The following CYRIB variants were observed in gnomAD, a reference collection of about 807,000 sequenced individuals.
CYRIB encodes CYFIP related Rac1 interactor B.
CYRIB carries 8 observed loss-of-function variants against 44.2 expected under a neutral mutation model. The observed-to-expected ratio is 0.18, with a 90% CI of 0.11 to 0.33. The LOEUF (loss-of-function observed/expected upper bound fraction) is 0.33. Ranked by LOEUF, CYRIB falls within the 10% of genes least tolerant of loss-of-function variation. The pLI, the probability that CYRIB is intolerant of heterozygous loss-of-function variation, is 1.00. For synonymous variants in CYRIB, 131 were observed against 127.2 expected, an observed-to-expected ratio of 1.03 and a Z score of -0.20; for missense variants, 185 against 382.8, an observed-to-expected ratio of 0.48 and a Z score of 4.31.
chr8:129,983,837 G>T (rs2096348026), intron 1 of CYRIB, among the ~76,000 whole-genome samples: 1 of 152,244 alleles, frequency 6.6e-6, no homozygotes, highest in Admixed American at 6.5e-5. Flanking sequence ...TGCGGAACCG[G>T]GTGCAAGAGG....
At chr8:129,930,064 C>T (rs772841470) in intron 1 of CYRIB, among the ~76,000 whole-genome samples, 8 of 151,532 alleles carry the variant, frequency 5.3e-5, no homozygotes, top group Non-Finnish European at 1.0e-4. Context: ...TACAAAAATT[C>T]GCCGGGCGTG....
Position 129,845,116 on chromosome 8 carries a change from A to G in CYRIB, c.911+1688T>C, listed in dbSNP as rs934324051. On this transcript the variant is annotated intron_variant, in intron 11 of 11. Coordinates refer to ENST00000519824, the Ensembl canonical transcript of CYRIB. ...GTGGGAGACTTCAACCCTGTCTTTCACTCGCCATCACTGGTCTCCTCTGCT... is the reference window on the plus strand; with the variant it reads ...GTGGGAGACTTCAACCCTGTCTTTCGCTCGCCATCACTGGTCTCCTCTGCT... Among the ~76,000 whole-genome samples the G allele has an allele frequency of 2.6e-5, 4 of 152,122 alleles. No homozygotes were observed. The South Asian group carries it at 8.3e-4, about 32-fold the overall frequency.
chr8:129,995,886 G>C (rs934385481), intron 1 of CYRIB, among the ~76,000 whole-genome samples: 1 of 152,204 alleles, frequency 6.6e-6, no homozygotes, highest in African/African-American at 2.4e-5. Context: ...ATGTCAACAT[G>C]GTAGATGGCA....
intron 9 of CYRIB, 174 bp downstream of exon 11, chr8:129,850,661 G>A (rs985817417): frequency 2.1e-5 from 13 of 626,958 alleles, no homozygotes; most frequent in African/African-American, 1.7e-4. Context: ...CAGAAGTTAC[G>A]TTAAATAGCC....
chr8:129,982,748 G>A (rs553741707), intron 1 of CYRIB, among the ~76,000 whole-genome samples: 1 of 152,134 alleles, frequency 6.6e-6, no homozygotes, highest in Non-Finnish European at 1.5e-5. Flanking sequence ...AACCAAAAAA[G>A]CAAACGCATG....
At chr8:129,853,411 T>A (rs760616961) in intron 7 of CYRIB, among the ~76,000 whole-genome samples, 4 of 152,214 alleles carry the variant, frequency 2.6e-5, no homozygotes, top group Non-Finnish European at 5.9e-5. Context: ...TTAGTGCAAG[T>A]GCTTCCTAAA....
chr8:129,862,430 T>A (rs1402272483), intron 4 of CYRIB, 96 bp from the exon 7 acceptor site: 23 of 890,818 alleles, frequency 2.6e-5, no homozygotes, highest in Non-Finnish European at 3.7e-5. Flanking sequence ...TAGGAAACAC[T>A]GGTATAATCC....
At chr8:129,984,172 C>G (rs545028538) in intron 1 of CYRIB, among the ~76,000 whole-genome samples, 1 of 152,334 alleles carries the variant, frequency 6.6e-6, no homozygotes, top group East Asian at 1.9e-4. Flanking sequence ...GAAGTCCTAT[C>G]CTTAACAGTC....
At chr8:129,974,088 G>C (rs532122221) in intron 1 of CYRIB, among the ~76,000 whole-genome samples, 27 of 152,284 alleles carry the variant, frequency 1.8e-4, no homozygotes, top group African/African-American at 6.0e-4. Context: ...AGGGCAGCCT[G>C]TCTGAGGCCA....
chr8:129,983,712 G>A (rs555943809), intron 1 of CYRIB, among the ~76,000 whole-genome samples: 11 of 152,272 alleles, frequency 7.2e-5, no homozygotes, highest in South Asian at 6.2e-4. Context: ...CAGGGATGCG[G>A]GGACGCTGGG....
intron 1 of CYRIB, among the ~76,000 whole-genome samples, chr8:129,990,492 G>A (rs2096603357): frequency 7.7e-6 from 1 of 130,582 alleles, no homozygotes; most frequent in Non-Finnish European, 1.6e-5. Context: ...ATGTGTGTGT[G>A]TATGCGTGTG....
chr8:129,998,044 T>G (rs913356849), intron 1 of CYRIB, among the ~76,000 whole-genome samples: 15 of 147,358 alleles, frequency 1.0e-4, no homozygotes, highest in African/African-American at 3.8e-4. Flanking sequence ...TCGTCTGAAC[T>G]CGGGAGGCAG....
chr8:129,955,362 C>T lies in CYRIB; in HGVS notation c.-243+15581G>A, dbSNP rs1457239911. ...TAATAGCAAGGAATGGTATCTTTCT[C>T]GGTCACAACACTAAGCTGCTTACAG... is the stretch of plus-strand genomic sequence containing the variant. On this transcript the variant is annotated intron_variant, in intron 2 of 14. Transcript: ENST00000401979. Among the ~76,000 whole-genome samples, 7 of 151,876 alleles carry T rather than the reference C, an allele frequency of 4.6e-5. No homozygotes were observed. In the East Asian group the frequency reaches 7.7e-4, roughly 17 times the overall value.
At chr8:129,841,081 T>C (rs1586695652) in exon 12 of CYRIB, 1 of 152,320 alleles carries the variant, frequency 6.6e-6, no homozygotes, top group East Asian at 1.9e-4. Context: ...AGTGAGATCA[T>C]GGCCTCTGCT....
intron 2 of CYRIB, among the ~76,000 whole-genome samples, chr8:129,963,073 T>C (rs2095335715): frequency 6.6e-6 from 1 of 152,148 alleles, no homozygotes; most frequent in African/African-American, 2.4e-5. Flanking sequence ...TTGGACTCAG[T>C]TCTAAGACTT....
intron 1 of CYRIB, among the ~76,000 whole-genome samples, chr8:130,000,948 T>C (rs964970580): frequency 1.3e-5 from 2 of 152,184 alleles, no homozygotes; most frequent in Admixed American, 1.3e-4. Context: ...AATTAACTCA[T>C]ATACTCATTC....
intron 1 of CYRIB, among the ~76,000 whole-genome samples, chr8:130,002,997 G>A (rs1016977885): frequency 1.1e-4 from 16 of 152,244 alleles, no homozygotes; most frequent in African/African-American, 3.9e-4. Context: ...TGCCTCTAGA[G>A]ATGGCACTTG....
intron 1 of CYRIB, among the ~76,000 whole-genome samples, chr8:129,989,607 C>T (rs1225465417): frequency 6.7e-6 from 1 of 150,346 alleles, no homozygotes; most frequent in South Asian, 2.1e-4. Context: ...AGCCTCAGGA[C>T]GTGTTCAGGA....
intron 2 of CYRIB, among the ~76,000 whole-genome samples, chr8:129,892,359 G>A (rs1253539531): frequency 6.6e-6 from 1 of 152,084 alleles, no homozygotes; most frequent in African/African-American, 2.4e-5. Context: ...AATTCATTTT[G>A]CAAACATTAT....
Sources: allele counts gnomAD v4.1 joint callset (sites outside exome capture counted in the v4.1 genomes callset), GRCh38; gene constraint gnomAD v4.1.1; transcripts MANE v1.5; gene names NCBI Gene and HGNC (gene_info 2026-07-23, HGNC 2026-07-21).